The following OR51B5 variants were observed in gnomAD, a reference collection of about 807,000 sequenced individuals.
OR51B5 encodes the protein olfactory receptor 51B5.
For synonymous variants in OR51B5, 186 were observed against 144.8 expected (o/e 1.28, Z -2.04); for missense variants, 456 against 374.6 (o/e 1.22, Z -1.79).
rs377601269 is a variant in OR51B5, at chr11:5,389,778, T to G, written n.85-42868A>C. 3.5e-5 allele frequency: 56 copies of G among 1,613,998 alleles called. No homozygotes were observed. The African/African-American group carries it at 6.7e-4, about 19-fold the overall frequency. On this transcript the variant is annotated intron_variant and non_coding_transcript_variant, in intron 1 of 4. Coordinates refer to the OR51B5 transcript ENST00000415970. ...TTTTCCTTCATGGAGTCCTCAGTGCTCCTCATGATGTCCTTTGACCGCCTT... is the reference window on the plus strand; with the variant it reads ...TTTTCCTTCATGGAGTCCTCAGTGCGCCTCATGATGTCCTTTGACCGCCTT...
chr11:5,422,083 C>A, intron 1 of OR51B5: 1 of 831,392 alleles, frequency 1.2e-6, no homozygotes, highest in Non-Finnish European at 1.9e-6. Flanking sequence ...TTACCCTCAA[C>A]AACTCTGAAC....
chr11:5,362,568 C>G (rs4910770), intron 1 of OR51B5: 62,186 of 163,890 alleles, frequency 0.38, 12,372 homozygotes, highest in Non-Finnish European at 0.4. Flanking sequence ...TAAGAAATAA[C>G]AGAAGTCTTC....
intron 1 of OR51B5, among the ~76,000 whole-genome samples, chr11:5,386,622 T>C (rs7116471): frequency 0.18 from 27,543 of 151,902 alleles, 2,667 homozygotes; most frequent in African/African-American, 0.26. Flanking sequence ...ATAGAGTTAG[T>C]ACTTTCTGCA....
At chr11:5,478,951 G>A (rs9667192) in intron 1 of OR51B5, among the ~76,000 whole-genome samples, 93,912 of 150,280 alleles carry the variant, frequency 0.62, 29,554 homozygotes, top group South Asian at 0.67. Context: ...GATATTATCC[G>A]GGAGAACTTC....
intron 1 of OR51B5, among the ~76,000 whole-genome samples, chr11:5,418,322 G>T (rs1850272994): frequency 6.6e-6 from 1 of 151,978 alleles, no homozygotes; most frequent in Middle Eastern, 3.2e-3. Context: ...GAGTTAGTGG[G>T]TGCAGCGCAC....
intron 1 of OR51B5, chr11:5,391,287 A>G (rs1849791818): frequency 6.6e-6 from 1 of 152,238 alleles, no homozygotes. Context: ...ACATTTTCAC[A>G]GATAGCTCCT....
chr11:5,423,208 A>C (rs1850385016), intron 1 of OR51B5: 1 of 1,467,210 alleles, frequency 6.8e-7, no homozygotes, highest in East Asian at 2.4e-5. Flanking sequence ...TTAAGGGGGG[A>C]ATATATTCAG....
chr11:5,489,535 C>T lies in OR51B5; in HGVS notation n.84+16034G>A, dbSNP rs529517086. The T allele has an allele frequency of 2.5e-6, 4 of 1,614,070 alleles. No homozygotes were observed. In the Admixed American group the frequency reaches 5.0e-5, roughly 20 times the overall value. On this transcript the variant is annotated intron_variant and non_coding_transcript_variant, in intron 1 of 4. Coordinates refer to the OR51B5 transcript ENST00000415970. Reference sequence around the variant, plus strand: ...TCACCACGAAGTCCCCAAGCATGTGCACATCTTTCTGGCTAATCTCTATGT... The same window carrying T: ...TCACCACGAAGTCCCCAAGCATGTGTACATCTTTCTGGCTAATCTCTATGT...
At chr11:5,381,748 G>A (rs1423379020) in intron 1 of OR51B5, among the ~76,000 whole-genome samples, 3 of 152,142 alleles carry the variant, frequency 2.0e-5, no homozygotes, top group South Asian at 2.1e-4. Flanking sequence ...AGGTCATTTA[G>A]AGCAATAAAG....
intron 1 of OR51B5, among the ~76,000 whole-genome samples, chr11:5,451,335 C>T (rs74049536): frequency 0.012 from 1,813 of 152,346 alleles, 40 homozygotes; most frequent in African/African-American, 0.041. Flanking sequence ...TCTCCCTTCT[C>T]TTTCTGTTAC....
At chr11:5,495,514 G>T (rs937734727) in intron 1 of OR51B5, among the ~76,000 whole-genome samples, 1 of 152,106 alleles carries the variant, frequency 6.6e-6, no homozygotes. Context: ...ATTTAACTTA[G>T]GTTATCAGCT....
At chr11:5,452,226 C>G (rs1442999399) in intron 1 of OR51B5, among the ~76,000 whole-genome samples, 1 of 151,964 alleles carries the variant, frequency 6.6e-6, no homozygotes, top group South Asian at 2.1e-4. Flanking sequence ...CAAGAGGGGC[C>G]GGGCACGGTG....
At chr11:5,421,827 TATACA>T (rs1229605032) in intron 1 of OR51B5, among the ~76,000 whole-genome samples, 6 of 152,232 alleles carry the variant, frequency 3.9e-5, no homozygotes, top group African/African-American at 1.4e-4. Context: ...GCATCACATT[TATACA>T]ATAGAGTTCA....
intron 1 of OR51B5, among the ~76,000 whole-genome samples, chr11:5,364,801 T>C (rs917310947): frequency 6.6e-6 from 1 of 152,234 alleles, no homozygotes. Context: ...GCATGTGTTC[T>C]GGATATGCTG....
exon 1 of OR51B5, chr11:5,343,121 G>C: frequency 1.2e-6 from 2 of 1,613,476 alleles, no homozygotes; most frequent in Non-Finnish European, 1.7e-6. Flanking sequence ...TCGAGTATTA[G>C]TAAGTACAGA....
intron 1 of OR51B5, among the ~76,000 whole-genome samples, chr11:5,411,631 T>TCA (rs1850150820): frequency 6.6e-6 from 1 of 152,226 alleles, no homozygotes; most frequent in Non-Finnish European, 1.5e-5. Flanking sequence ...CTGGAACTTC[T>TCA]GAATATGTTG....
intron 1 of OR51B5, among the ~76,000 whole-genome samples, chr11:5,395,083 T>C (rs1021753602): frequency 6.6e-6 from 1 of 152,226 alleles, no homozygotes; most frequent in Non-Finnish European, 1.5e-5. Context: ...GAGGTACTCA[T>C]GGTTCACTAA....
intron 1 of OR51B5, chr11:5,441,258 G>A: frequency 1.2e-6 from 2 of 1,614,012 alleles, no homozygotes; most frequent in Non-Finnish European, 1.7e-6. Context: ...GAAGCAGAAA[G>A]TAGAAATCAC....
chr11:5,425,653 C>T (rs752033191), intron 1 of OR51B5, among the ~76,000 whole-genome samples: 8 of 152,098 alleles, frequency 5.3e-5, no homozygotes, highest in South Asian at 2.1e-4. Flanking sequence ...GTACCTAAAA[C>T]GCAAATAACT....
Sources: gnomAD v4.1 joint callset for allele counts (sites outside exome capture counted in the v4.1 genomes callset) on GRCh38, gnomAD v4.1.1 for gene constraint, MANE v1.5 for transcripts, NCBI Gene and HGNC (gene_info 2026-07-23, HGNC 2026-07-21) for gene names.